TSPAN13: variants seen among roughly 807,000 people sequenced by gnomAD.
TSPAN13 encodes tetraspanin-13.
A neutral mutation model predicts 26.9 loss-of-function variants in TSPAN13; 18 were observed. The ratio of observed to expected loss-of-function variants is 0.67; its 90% CI spans 0.46 to 0.99. The LOEUF (loss-of-function observed/expected upper bound fraction) is 0.99, where lower values mean the gene tolerates loss of function less well. TSPAN13 is among the 50% of genes least tolerant of loss of function. TSPAN13 has a pLI of 0.00. For synonymous variants in TSPAN13, 116 were observed against 98.4 expected (o/e 1.18, Z -1.06); for missense variants, 201 against 249.6 (o/e 0.81, Z 1.31).
At chr7:16,766,673 T>C (rs768614289) in intron 1 of TSPAN13, among the ~76,000 whole-genome samples, 4 of 152,170 alleles carry the variant, frequency 2.6e-5, no homozygotes, top group Non-Finnish European at 4.4e-5. Context: ...TGAGGTGAAA[T>C]ATCTGAGAGA....
intron 1 of TSPAN13, among the ~76,000 whole-genome samples, chr7:16,769,504 T>C (rs558873595): frequency 1.3e-5 from 2 of 151,822 alleles, no homozygotes; most frequent in South Asian, 4.2e-4. Flanking sequence ...TTGGACTACT[T>C]TTGTTGGATT....
At position 16,754,047 on chromosome 7, in the gene TSPAN13, C is replaced by A. The variant is rs1207896725; in HGVS notation, c.63+17C>A. 9.3e-6 allele frequency: 15 copies of A among 1,612,154 alleles called. No homozygotes were observed. The highest frequency in any genetic ancestry group is 1.2e-5 in the Non-Finnish European group (14 of 1,178,868). On this transcript the variant is annotated intron_variant, in intron 1 of 5. Coordinates refer to ENST00000262067, the MANE Select transcript of TSPAN13 (RefSeq NM_014399.4). ...CTTTACACCGTGAGTATCCCCAGTC[C>A]GTTCCTGCTCGCTTGGGGGCTTTGC...
rs758241989 is a variant in TSPAN13, at chr7:16,777,927, A to C, written c.426+16A>C. ...CTGTCTGGCTGTAAGTACATTGTAT[A>C]ATATATGTTTTTGGAAATGTATTAC... On this transcript the variant is annotated intron_variant, in intron 4 of 5. Coordinates refer to ENST00000262067, the MANE Select transcript of TSPAN13 (RefSeq NM_014399.4). 8 of 1,575,640 alleles carry C rather than the reference A, an allele frequency of 5.1e-6. No homozygotes were observed. Among genetic ancestry groups the C allele is most frequent in the Non-Finnish European group, 6.9e-6 (8 of 1,152,616 alleles).
chr7:16,768,227 T>A (rs1255364102), intron 1 of TSPAN13, among the ~76,000 whole-genome samples: 1 of 152,248 alleles, frequency 6.6e-6, no homozygotes, highest in African/African-American at 2.4e-5. Flanking sequence ...AGGCATTTTT[T>A]AATATGTGTG....
intron 1 of TSPAN13, among the ~76,000 whole-genome samples, chr7:16,768,843 G>A (rs577410036): frequency 2.8e-4 from 43 of 152,222 alleles, no homozygotes; most frequent in African/African-American, 1.0e-3. Flanking sequence ...CTGCTTTAAC[G>A]ACTGAACCAT....
At chr7:16,768,759 C>G (rs1784639297) in intron 1 of TSPAN13, among the ~76,000 whole-genome samples, 1 of 152,222 alleles carries the variant, frequency 6.6e-6, no homozygotes, top group Non-Finnish European at 1.5e-5. Context: ...AAAGTCTACT[C>G]TTTCTCTGCT....
At chr7:16,761,705 TTTTTTTTTTG>T in intron 1 of TSPAN13, among the ~76,000 whole-genome samples, 1 of 146,890 alleles carries the variant, frequency 6.8e-6, no homozygotes, top group East Asian at 2.0e-4. Flanking sequence ...TTTTTTTTTT[TTTTTTTTTTG>T]TAGAGACAGG....
At chr7:16,778,940 GT>G in intron 4 of TSPAN13, 62 bp from the exon 5 acceptor site, 3 of 1,329,442 alleles carry the variant, frequency 2.3e-6, no homozygotes, top group African/African-American at 1.5e-5. Flanking sequence ...TGTGTATGCA[GT>G]TTTTATGGGC....
rs1339596953 is a variant in TSPAN13, at chr7:16,753,816, C to T, written c.-152C>T. On this transcript the variant is annotated 5_prime_UTR_variant, in exon 1 of 6. Transcript: ENST00000262067. Reference sequence around the variant, plus strand: ...GTCCGAGCCGCCGCCGCGCGCGCGCCGCGCACTGCAGCCCCAGGCCCCGGC... The same window carrying T: ...GTCCGAGCCGCCGCCGCGCGCGCGCTGCGCACTGCAGCCCCAGGCCCCGGC... The T allele has an allele frequency of 1.7e-5, 12 of 691,578 alleles. No homozygotes were observed. The highest frequency in any genetic ancestry group is 2.7e-5 in the Non-Finnish European group (12 of 437,562). 42.8% of individuals were successfully genotyped at this position (691,578 alleles called of 1,614,324 possible).
intron 1 of TSPAN13, among the ~76,000 whole-genome samples, chr7:16,758,184 A>G (rs928798592): frequency 1.3e-5 from 2 of 152,166 alleles, no homozygotes; most frequent in Non-Finnish European, 2.9e-5. Context: ...AGTGTGCCAT[A>G]TCTGTTAGAT....
intron 4 of TSPAN13, among the ~76,000 whole-genome samples, chr7:16,778,632 C>A (rs2115336476): frequency 6.6e-6 from 1 of 152,322 alleles, no homozygotes; most frequent in South Asian, 2.1e-4. Flanking sequence ...AAGCTGCTCT[C>A]AGGTCCTATG....
intron 1 of TSPAN13, among the ~76,000 whole-genome samples, chr7:16,755,700 A>G (rs948457375): frequency 6.6e-6 from 1 of 152,046 alleles, no homozygotes; most frequent in East Asian, 1.9e-4. Flanking sequence ...TGGAATGTCT[A>G]CTTTGCATAC....
chr7:16,776,370 C>T lies in TSPAN13; in HGVS notation c.223C>T (p.Leu75=), dbSNP rs11555925. 1 of 1,611,374 alleles carries T rather than the reference C, an allele frequency of 6.2e-7. No homozygotes were observed. The highest frequency in any genetic ancestry group is 1.1e-5 in the South Asian group (1 of 90,468). ...AGCTGTAAAACATCATCAGGTGTTG[C>T]TATTTTTTGTATCCTTTTTAAAAAT... The part of the protein sequence containing the change: ...IGAVKHHQVL[L]FFYMIILLLV... Residue 75 remains leucine (L), a synonymous_variant, in exon 2 of 6, where the codon CTA becomes TTA. Coordinates refer to ENST00000262067, the MANE Select transcript of TSPAN13 (RefSeq NM_014399.4).
Position 16,783,850 on chromosome 7 carries a change from A to C in TSPAN13, c.*359A>C, listed in dbSNP as rs566284054. 5 of 239,680 alleles carry C rather than the reference A, an allele frequency of 2.1e-5. No individual in the cohort carries two copies. In the East Asian group the frequency reaches 3.4e-4, roughly 16 times the overall value. The allele number at this position is 239,680 out of a possible 1,614,324, so 14.8% of individuals were successfully genotyped here. ...ACGTACATCTCACTGGTATAATTAT[A>C]TGTAGCACTGTGCTGTGTAGATAGT... is the stretch of plus-strand genomic sequence containing the variant. On this transcript the variant is annotated 3_prime_UTR_variant, in exon 6 of 6. Transcript: ENST00000262067.
intron 1 of TSPAN13, among the ~76,000 whole-genome samples, chr7:16,758,531 C>T (rs1784507721): frequency 6.6e-6 from 1 of 152,176 alleles, no homozygotes; most frequent in South Asian, 2.1e-4. Flanking sequence ...ATAGACTTGG[C>T]TTCTTCTTTC....
intron 1 of TSPAN13, 50 bp from the exon 2 acceptor site, chr7:16,776,161 C>G (rs2290836): frequency 0.36 from 571,968 of 1,569,286 alleles, 106,827 homozygotes; most frequent in African/African-American, 0.46. Context: ...TTTCCCCATT[C>G]TCTCTCCTCT....
chr7:16,780,152 T>C (rs978152039), intron 5 of TSPAN13, among the ~76,000 whole-genome samples: 4 of 151,900 alleles, frequency 2.6e-5, no homozygotes, highest in Admixed American at 1.3e-4. Flanking sequence ...TAGGCTGGAG[T>C]GTAGTGGTGC....
At chr7:16,771,160 T>A (rs1784673385) in intron 1 of TSPAN13, among the ~76,000 whole-genome samples, 2 of 152,244 alleles carry the variant, frequency 1.3e-5, no homozygotes, top group South Asian at 4.1e-4. Flanking sequence ...TGCTTACAGT[T>A]CTAGCTTTCG....
intron 1 of TSPAN13, among the ~76,000 whole-genome samples, chr7:16,774,263 A>G (rs537267489): frequency 2.6e-5 from 4 of 152,264 alleles, no homozygotes; most frequent in East Asian, 3.9e-4. Flanking sequence ...ATTTTCACTC[A>G]ATAGATAGAT....
Sources: allele counts gnomAD v4.1 joint callset (sites outside exome capture counted in the v4.1 genomes callset), GRCh38; gene constraint gnomAD v4.1.1; transcripts MANE v1.5; gene names NCBI Gene and HGNC (gene_info 2026-07-23, HGNC 2026-07-21).